ART4: variants seen among roughly 807,000 people sequenced by gnomAD.
The protein encoded by ART4 is ecto-ADP-ribosyltransferase 4.
In ART4, 14 loss-of-function variants were observed where a neutral mutation model predicts 24.2. The observed-to-expected ratio is 0.58, with a 90% confidence interval of 0.38 to 0.90. The LOEUF is 0.90. Among genes scored for constraint, ART4 ranks in the 40% least tolerant of loss-of-function variants. ART4 has a pLI of 0.00. For synonymous variants in ART4, 145 were observed against 139.9 expected, an observed-to-expected ratio of 1.04 and a Z score of -0.26; for missense variants, 356 against 366.6, an observed-to-expected ratio of 0.97 and a Z score of 0.24.
At position 14,843,270 on chromosome 12, in the gene ART4, C is replaced by T. The variant is rs547035119; in HGVS notation, c.-157G>A. 6 of 798,798 alleles carry T rather than the reference C, an allele frequency of 7.5e-6. No individual in the cohort carries two copies. Among genetic ancestry groups the T allele is most frequent in the Non-Finnish European group, 1.2e-5 (6 of 519,524 alleles). 49.5% of individuals were successfully genotyped at this position (798,798 alleles called of 1,614,324 possible). ...TCTGTTGCCCACCAACAACCAATAGCTTGTCTGAGGGAAGAAATCAACTCC... is the reference window on the plus strand; with the variant it reads ...TCTGTTGCCCACCAACAACCAATAGTTTGTCTGAGGGAAGAAATCAACTCC... On this transcript the variant is annotated 5_prime_UTR_variant, in exon 1 of 3. Transcript: ENST00000228936.
chr12:14,833,211 C>A lies in ART4; in HGVS notation c.854-3749G>T, dbSNP rs376531674. On this transcript the variant is annotated intron_variant, in intron 2 of 2. Transcript: ENST00000228936. ...TAGAATAGAAACACTAGCATTAACACTGCCTATGAAAAGGGTAACTGTTGT... is the reference window on the plus strand; with the variant it reads ...TAGAATAGAAACACTAGCATTAACAATGCCTATGAAAAGGGTAACTGTTGT... Among the ~76,000 whole-genome samples the A allele has an allele frequency of 3.3e-5, 5 of 152,264 alleles. No individual in the cohort carries two copies. In the South Asian group the frequency reaches 6.2e-4, roughly 19 times the overall value.
chr12:14,840,563 G>A lies in ART4; in HGVS notation c.735C>T (p.Val245=). The change falls in exon 2 of 3, where the codon GTC becomes GTT. Residue 245 remains valine (V), a synonymous_variant. Coordinates refer to ENST00000228936, the MANE Select transcript of ART4 (RefSeq NM_021071.4). ...PVQYFSLKKE[V]LIPPYELFKV... ...TAAACAGCTCATAGGGAGGGATCAA[G>A]ACTTCCTTCTTGAGGGAGAAGTACT... 1 of 1,614,162 alleles carries A rather than the reference G, an allele frequency of 6.2e-7. No homozygotes were observed. The highest frequency in any genetic ancestry group is 8.5e-7 in the Non-Finnish European group (1 of 1,180,014).
chr12:14,833,734 G>A (rs540935038), intron 2 of ART4, among the ~76,000 whole-genome samples: 2 of 152,222 alleles, frequency 1.3e-5, no homozygotes, highest in Admixed American at 1.3e-4. Context: ...AGACTGTTCA[G>A]AAGTAAATAG....
chr12:14,841,691 G>A (rs530086842), intron 1 of ART4, among the ~76,000 whole-genome samples: 23 of 152,270 alleles, frequency 1.5e-4, no homozygotes, highest in African/African-American at 5.5e-4. Flanking sequence ...AAATATGAAA[G>A]CCAAAATATC....
intron 2 of ART4, among the ~76,000 whole-genome samples, chr12:14,838,162 C>G (rs1950443253): frequency 6.6e-6 from 1 of 152,176 alleles, no homozygotes; most frequent in Non-Finnish European, 1.5e-5. Flanking sequence ...CCCAGCTAAA[C>G]CTTAACTCAA....
In ART4 at chr12:14,831,761, A is replaced by G. The variant is rs527430740; in HGVS notation, c.854-2299T>C. 4.6e-5 allele frequency among the ~76,000 whole-genome samples: 7 copies of G among 151,958 alleles called. No individual in the cohort carries two copies. The South Asian group carries it at 1.2e-3, about 27-fold the overall frequency. ...CTCGGAATTCTACACTTGTGCATCA[A>G]CTGTCCACTCAACATCTCTGCTTGG... On this transcript the variant is annotated intron_variant, in intron 2 of 2. Transcript: ENST00000228936.
At chr12:14,838,102 T>C (rs557262367) in intron 2 of ART4, among the ~76,000 whole-genome samples, 3 of 152,284 alleles carry the variant, frequency 2.0e-5, no homozygotes, top group Admixed American at 6.5e-5. Flanking sequence ...ATTCCAAATA[T>C]TTCATTAAGA....
intron 2 of ART4, among the ~76,000 whole-genome samples, chr12:14,830,653 A>ATGTG (rs1565427893): frequency 4.8e-4 from 8 of 16,790 alleles, no homozygotes; most frequent in African/African-American, 1.5e-3. Flanking sequence ...ATGTATGTAT[A>ATGTG]TATATATATA....
chr12:14,832,131 T>C (rs1950400877), intron 2 of ART4, among the ~76,000 whole-genome samples: 2 of 152,174 alleles, frequency 1.3e-5, no homozygotes, highest in Non-Finnish European at 2.9e-5. Flanking sequence ...CACAATCTTC[T>C]ATGTTTTCTG....
At position 14,825,991 on chromosome 12, in the gene ART4, A is replaced by G. The variant is rs938843525; in HGVS notation, c.*3380T>C. ...TTGTTTAATAAAATTACTATAGGAC[A>G]TAAGTACTCCTTACAGCACAGTCTC... On this transcript the variant is annotated 3_prime_UTR_variant, in exon 3 of 3. Coordinates refer to ENST00000228936, the MANE Select transcript of ART4 (RefSeq NM_021071.4). The G allele has an allele frequency of 3.3e-5, 5 of 152,246 alleles. No individual in the cohort carries two copies. The highest frequency in any genetic ancestry group is 9.6e-5 in the African/African-American group (4 of 41,468). 9.4% of individuals were successfully genotyped at this position (152,246 alleles called of 1,614,324 possible).
Position 14,829,347 on chromosome 12 carries a change from A to G in ART4, c.*24T>C, listed in dbSNP as rs888385033. On this transcript the variant is annotated 3_prime_UTR_variant, in exon 3 of 3. Coordinates refer to ENST00000228936, the MANE Select transcript of ART4 (RefSeq NM_021071.4). ...AGATTTTATTTAAATATTTTTTTTA[A>G]ATAAAAGGAGCCACAAGATTTCTTT... The G allele has an allele frequency of 6.2e-6, 9 of 1,452,256 alleles. No homozygotes were observed. The highest frequency in any genetic ancestry group is 8.3e-6 in the Non-Finnish European group (9 of 1,081,996). The allele number at this position is 1,452,256 out of a possible 1,614,324, so 90.0% of individuals were successfully genotyped here. A position where few individuals can be genotyped will look rare whatever the true frequency, so the allele number is the denominator to read the frequency against.
At chr12:14,829,950 C>T (rs1394199933) in intron 2 of ART4, among the ~76,000 whole-genome samples, 1 of 152,144 alleles carries the variant, frequency 6.6e-6, no homozygotes, top group Admixed American at 6.5e-5. Context: ...TGAGAAAAAA[C>T]TTGCCAGTGT....
chr12:14,834,177 G>T (rs766944380), intron 2 of ART4, among the ~76,000 whole-genome samples: 2 of 152,072 alleles, frequency 1.3e-5, no homozygotes, highest in Non-Finnish European at 2.9e-5. Flanking sequence ...AATCTTTCTG[G>T]CTCCAAAGTT....
At position 14,829,248 on chromosome 12, in the gene ART4, T is replaced by G. The variant is rs990950122; in HGVS notation, c.*123A>C. On this transcript the variant is annotated 3_prime_UTR_variant, in exon 3 of 3. Coordinates refer to ENST00000228936, the MANE Select transcript of ART4 (RefSeq NM_021071.4). ...TAGCAAAGAGGAGGCCATGCACTGGTTTCAGCAGAAGTATGATGGGATCAT... is the reference window on the plus strand; with the variant it reads ...TAGCAAAGAGGAGGCCATGCACTGGGTTCAGCAGAAGTATGATGGGATCAT... 25 of 652,816 alleles carry G rather than the reference T, an allele frequency of 3.8e-5. No individual in the cohort carries two copies. The highest frequency in any genetic ancestry group is 4.5e-4 in the Middle Eastern group (1 of 2,238). The allele number at this position is 652,816 out of a possible 1,614,324, so 40.4% of individuals were successfully genotyped here.
chr12:14,842,863 C>G (rs1863073735), intron 1 of ART4, 107 bp downstream of exon 1: 3 of 1,328,072 alleles, frequency 2.3e-6, no homozygotes, highest in East Asian at 2.6e-5. Context: ...CTGAATGAAA[C>G]TAGATTCTGA....
chr12:14,840,644 C>T lies in ART4; in HGVS notation c.654G>A (p.Gln218=), dbSNP rs1210105085. 1 of 1,614,126 alleles carries T rather than the reference C, an allele frequency of 6.2e-7. No individual in the cohort carries two copies. Among genetic ancestry groups the T allele is most frequent in the Admixed American group, 1.7e-5 (1 of 60,020 alleles). ...LSTSLLKEEA[Q]EFGNQTLFTI... ...TAAATAGTGTCTGGTTCCCAAACTC[C>T]TGTGCCTCTTCTTTCAGGAGGGATG... is the stretch of plus-strand genomic sequence containing the variant. Residue 218 remains glutamine (Q), a synonymous_variant, in exon 2 of 3, where the codon CAG becomes CAA. Transcript: ENST00000228936.
intron 2 of ART4, among the ~76,000 whole-genome samples, chr12:14,834,158 A>C (rs139906833): frequency 0.013 from 2,014 of 152,284 alleles, 23 homozygotes; most frequent in Middle Eastern, 0.048. Flanking sequence ...AGCTACTAAC[A>C]TATACCCAAA....
intron 2 of ART4, among the ~76,000 whole-genome samples, chr12:14,837,872 A>AGACTTT (rs1950441761): frequency 6.6e-6 from 1 of 152,162 alleles, no homozygotes; most frequent in Non-Finnish European, 1.5e-5. Context: ...TGTTACGATA[A>AGACTTT]TTATTAGGTA....
chr12:14,829,593 A>T, intron 2 of ART4, 131 bp from the exon 3 acceptor site: 1 of 625,328 alleles, frequency 1.6e-6, no homozygotes, highest in Non-Finnish European at 2.7e-6. Flanking sequence ...GCTACTTAAA[A>T]CACATTATTT....
Sources: allele counts gnomAD v4.1 joint callset (sites outside exome capture counted in the v4.1 genomes callset), GRCh38; gene constraint gnomAD v4.1.1; transcripts MANE v1.5; gene names NCBI Gene and HGNC (gene_info 2026-07-23, HGNC 2026-07-21).